Variants in ZNF423 observed in about 807,000 individuals in gnomAD.
The protein encoded by ZNF423 is zinc finger protein 423.
Under a neutral mutation model 95.8 loss-of-function variants are expected in ZNF423, and 12 were observed. The observed-to-expected ratio is 0.13, with a 90% CI of 0.08 to 0.20. The LOEUF is 0.20. Ranked by LOEUF, ZNF423 falls within the 10% of genes least tolerant of loss-of-function variation. The pLI is 1.00. For synonymous variants in ZNF423, 749 were observed against 711.9 expected (o/e 1.05, Z -0.83); for missense variants, 1,316 against 1,737.1 (o/e 0.76, Z 4.31).
At chr16:49,822,537 C>T (rs1291173756) in intron 1 of ZNF423, 15 of 623,308 alleles carry the variant, frequency 2.4e-5, no homozygotes, top group Non-Finnish European at 3.7e-5. Flanking sequence ...TTCATCCTCC[C>T]CAGGCAAGGC....
chr16:49,800,243 CAAA>C (rs111441917), intron 1 of ZNF423, among the ~76,000 whole-genome samples: 16 of 120,398 alleles, frequency 1.3e-4, no homozygotes, highest in African/African-American at 3.9e-4. Context: ...GGCTCTGTCT[CAAA>C]AAAAAAAAAA....
chr16:49,508,167 G>A (rs188212393), intron 7 of ZNF423, among the ~76,000 whole-genome samples: 13 of 152,152 alleles, frequency 8.5e-5, no homozygotes, highest in South Asian at 2.1e-4. Flanking sequence ...GAACAATGCC[G>A]GGCACTCAAA....
At chr16:49,514,185 A>ACAC (rs1968024773) in intron 7 of ZNF423, among the ~76,000 whole-genome samples, 8 of 142,920 alleles carry the variant, frequency 5.6e-5, no homozygotes, top group African/African-American at 1.9e-4. Context: ...CTGACCACCC[A>ACAC]ACACACACAC....
At chr16:49,504,344 G>T (rs1967547151) in intron 7 of ZNF423, among the ~76,000 whole-genome samples, 1 of 152,214 alleles carries the variant, frequency 6.6e-6, no homozygotes, top group Non-Finnish European at 1.5e-5. Flanking sequence ...CACTTTGGGA[G>T]GCCAAGGTGG....
chr16:49,779,568 TG>T (rs746017212), intron 2 of ZNF423, among the ~76,000 whole-genome samples: 8 of 152,140 alleles, frequency 5.3e-5, no homozygotes, highest in Non-Finnish European at 1.0e-4. Flanking sequence ...CGCACAAGGC[TG>T]GGCAACACTG....
intron 3 of ZNF423, among the ~76,000 whole-genome samples, chr16:49,664,844 G>A (rs1003846179): frequency 6.6e-6 from 1 of 152,250 alleles, no homozygotes; most frequent in African/African-American, 2.4e-5. Context: ...GAGGGGCCAG[G>A]CAGCTTGAGC....
chr16:49,513,734 T>C (rs1344806611), intron 7 of ZNF423, among the ~76,000 whole-genome samples: 2 of 152,054 alleles, frequency 1.3e-5, no homozygotes, highest in African/African-American at 4.8e-5. Flanking sequence ...GTGGAGAGTT[T>C]GGTGTAGACG....
chr16:49,580,912 C>A (rs1049132904), intron 5 of ZNF423, among the ~76,000 whole-genome samples: 1 of 152,150 alleles, frequency 6.6e-6, no homozygotes, highest in Non-Finnish European at 1.5e-5. Context: ...ACAGGACCCA[C>A]CAGGAGGACA....
At chr16:49,740,170 T>C (rs960907463) in intron 2 of ZNF423, among the ~76,000 whole-genome samples, 3 of 152,120 alleles carry the variant, frequency 2.0e-5, no homozygotes, top group African/African-American at 7.2e-5. Context: ...CCCGCCGACA[T>C]TTCTTTTTCA....
chr16:49,545,149 C>A (rs1365340273), intron 5 of ZNF423, among the ~76,000 whole-genome samples: 2 of 152,236 alleles, frequency 1.3e-5, no homozygotes, highest in South Asian at 4.1e-4. Flanking sequence ...TTGGCCTCTA[C>A]GGAACACTTT....
intron 3 of ZNF423, among the ~76,000 whole-genome samples, chr16:49,676,744 T>C (rs2151931412): frequency 6.6e-6 from 1 of 152,298 alleles, no homozygotes; most frequent in East Asian, 1.9e-4. Context: ...CCACATCAGT[T>C]GAACAACTGA....
intron 1 of ZNF423, among the ~76,000 whole-genome samples, chr16:49,840,206 C>T (rs1395363988): frequency 1.3e-5 from 2 of 152,166 alleles, no homozygotes; most frequent in Non-Finnish European, 2.9e-5. Context: ...TTATTAACAT[C>T]TCTCAGAGTC....
rs188240900 is a variant in ZNF423, at chr16:49,597,174, T to C, written c.3601+28996A>G. On this transcript the variant is annotated intron_variant, in intron 5 of 7. Coordinates refer to ENST00000563137, the MANE Select transcript of ZNF423 (RefSeq NM_001379286.1). ...AAAAAGAGTAACGCCACTGCCAATG[T>C]TCCCCAAGAGCCTGCTCCTCTGGCC... is the stretch of plus-strand genomic sequence containing the variant. Among the ~76,000 whole-genome samples, 364 of 152,222 alleles carry C rather than the reference T, an allele frequency of 2.4e-3. 7 individuals are homozygous for C. The highest frequency in any genetic ancestry group is 8.2e-4 in the Non-Finnish European group (56 of 67,998).
intron 7 of ZNF423, among the ~76,000 whole-genome samples, chr16:49,506,974 A>C (rs1401880253): frequency 6.6e-6 from 1 of 151,990 alleles, no homozygotes; most frequent in Non-Finnish European, 1.5e-5. Flanking sequence ...GAGGAAGAGG[A>C]GTGCATGAAT....
At chr16:49,784,153 C>G (rs2143793805) in intron 2 of ZNF423, among the ~76,000 whole-genome samples, 1 of 152,232 alleles carries the variant, frequency 6.6e-6, no homozygotes, top group Middle Eastern at 3.4e-3. Context: ...GGTGGCTCCT[C>G]CAAAGGTTAA....
chr16:49,626,556 AC>A (rs1315562129), intron 4 of ZNF423, among the ~76,000 whole-genome samples: 4 of 152,022 alleles, frequency 2.6e-5, no homozygotes, highest in African/African-American at 7.3e-5. Context: ...AAATCCATCT[AC>A]CCATGCCCCC....
intron 5 of ZNF423, among the ~76,000 whole-genome samples, chr16:49,564,219 C>T (rs945397866): frequency 2.6e-5 from 4 of 152,124 alleles, no homozygotes; most frequent in Admixed American, 2.0e-4. Context: ...TATTTATAAT[C>T]GCAATGTAGT....
At chr16:49,700,737 C>A (rs1240852291) in intron 3 of ZNF423, among the ~76,000 whole-genome samples, 1 of 152,192 alleles carries the variant, frequency 6.6e-6, no homozygotes, top group Non-Finnish European at 1.5e-5. Flanking sequence ...TCTGACCCAA[C>A]CAGCTCCTGA....
intron 3 of ZNF423, among the ~76,000 whole-genome samples, chr16:49,712,812 G>A (rs1344142585): frequency 6.6e-6 from 1 of 152,220 alleles, no homozygotes; most frequent in Non-Finnish European, 1.5e-5. Context: ...GAACAAAGAG[G>A]CTCCGCGGAT....
Sources: allele counts gnomAD v4.1 joint callset (sites outside exome capture counted in the v4.1 genomes callset), GRCh38; gene constraint gnomAD v4.1.1; transcripts MANE v1.5; gene names NCBI Gene and HGNC (gene_info 2026-07-23, HGNC 2026-07-21).